Variants in LRP1B observed in about 807,000 individuals in gnomAD.
LRP1B encodes LDL receptor related protein 1B, also known as low-density lipoprotein receptor-related protein 1B.
LRP1B carries 217 observed loss-of-function variants against 556.6 expected under a neutral mutation model. That is an observed-to-expected ratio of 0.39 (90% CI 0.35 to 0.44). The LOEUF is 0.44. Ranked by LOEUF, LRP1B falls within the 20% of genes least tolerant of loss-of-function variation. LRP1B has a pLI of 1.00. For synonymous variants in LRP1B, 2,047 were observed against 1,865.8 expected, an observed-to-expected ratio of 1.10 and a Z score of -2.50; for missense variants, 5,053 against 5,620.8, an observed-to-expected ratio of 0.90 and a Z score of 3.23.
In LRP1B at chr2:140,527,072, A is replaced by G. The variant is rs142066012; in HGVS notation, c.7763-722T>C. Among the ~76,000 whole-genome samples, 1,416 of 152,086 alleles carry G rather than the reference A, an allele frequency of 9.3e-3. 19 individuals carry two copies. The highest frequency in any genetic ancestry group is 0.03 in the African/African-American group (1,264 of 41,526). On this transcript the variant is annotated intron_variant, in intron 47 of 90. Transcript: ENST00000389484. ...GTCATTCCTTATTATTGTTATTATA[A>G]AAGTCATCCAATTCTCTGCTCTACT...
intron 1 of LRP1B, among the ~76,000 whole-genome samples, chr2:142,092,565 T>C (rs1255521964): frequency 4.6e-5 from 7 of 152,006 alleles, no homozygotes; most frequent in African/African-American, 1.4e-4. Context: ...GGGAACAACA[T>C]AGGAGTGGAT....
At chr2:140,583,957 A>G (rs1681882714) in intron 43 of LRP1B, among the ~76,000 whole-genome samples, 1 of 152,180 alleles carries the variant, frequency 6.6e-6, no homozygotes, top group Non-Finnish European at 1.5e-5. Flanking sequence ...GAAAAAGCAC[A>G]TGCTTGAGTT....
chr2:141,035,183 C>T (rs577115073), intron 11 of LRP1B, among the ~76,000 whole-genome samples: 12 of 148,630 alleles, frequency 8.1e-5, no homozygotes, highest in East Asian at 4.1e-4. Context: ...GGAAGGGGAA[C>T]ATCACACTCT....
At chr2:140,477,907 A>G (rs1251428015) in intron 59 of LRP1B, among the ~76,000 whole-genome samples, 2 of 152,050 alleles carry the variant, frequency 1.3e-5, no homozygotes, top group African/African-American at 4.8e-5. Context: ...ATTTAGCTCA[A>G]ATCAGAGTTT....
chr2:141,340,178 T>C (rs1158440185), intron 3 of LRP1B, among the ~76,000 whole-genome samples: 1 of 152,214 alleles, frequency 6.6e-6, no homozygotes, highest in Non-Finnish European at 1.5e-5. Context: ...CCCCTTCAAC[T>C]TTTGAATAGT....
chr2:141,988,422 A>G (rs1447289426), intron 1 of LRP1B, among the ~76,000 whole-genome samples: 1 of 151,998 alleles, frequency 6.6e-6, no homozygotes, highest in Admixed American at 6.6e-5. Flanking sequence ...TACATATTAT[A>G]AAAGTGAGCC....
chr2:141,774,232 G>T (rs960592432), intron 2 of LRP1B, among the ~76,000 whole-genome samples: 1 of 152,112 alleles, frequency 6.6e-6, no homozygotes, highest in African/African-American at 2.4e-5. Flanking sequence ...CCTGAGGCTG[G>T]GTAATTTACA....
intron 86 of LRP1B, among the ~76,000 whole-genome samples, chr2:140,256,449 C>CTTTTTTTTTTTTTTTTTT (rs764826231): frequency 4.0e-5 from 1 of 25,292 alleles, no homozygotes; most frequent in African/African-American, 1.3e-4. Context: ...TTTTTCCTTC[C>CTTTTTTTTTTTTTTTTTT]TTTTTTTTTT....
At chr2:141,021,114 C>T (rs1005942833) in intron 11 of LRP1B, among the ~76,000 whole-genome samples, 33 of 152,062 alleles carry the variant, frequency 2.2e-4, no homozygotes, top group Middle Eastern at 3.4e-3. Flanking sequence ...AGTTACAGAA[C>T]TGGAATTTAC....
intron 7 of LRP1B, among the ~76,000 whole-genome samples, chr2:141,092,317 A>G (rs997827947): frequency 1.1e-4 from 17 of 152,212 alleles, no homozygotes; most frequent in African/African-American, 4.1e-4. Flanking sequence ...GATTTATTGG[A>G]TGTAAGAAAG....
chr2:140,467,719 T>C (rs1687607118), intron 60 of LRP1B, among the ~76,000 whole-genome samples: 1 of 151,932 alleles, frequency 6.6e-6, no homozygotes, highest in Non-Finnish European at 1.5e-5. Flanking sequence ...AGAAATTGAT[T>C]GAATTGTGTT....
At chr2:142,046,921 TACTC>T (rs1392943717) in intron 1 of LRP1B, among the ~76,000 whole-genome samples, 1 of 152,030 alleles carries the variant, frequency 6.6e-6, no homozygotes, top group African/African-American at 2.4e-5. Context: ...ATCTTGTACA[TACTC>T]ACTTTTCTGG....
At chr2:140,564,490 C>T (rs1007785860) in intron 43 of LRP1B, among the ~76,000 whole-genome samples, 4 of 151,964 alleles carry the variant, frequency 2.6e-5, no homozygotes, top group African/African-American at 9.7e-5. Context: ...TTCAATACTG[C>T]TTATGTAACA....
intron 3 of LRP1B, among the ~76,000 whole-genome samples, chr2:141,377,004 G>A (rs1426337725): frequency 1.3e-5 from 2 of 152,090 alleles, no homozygotes; most frequent in African/African-American, 2.4e-5. Flanking sequence ...AGATTATCTT[G>A]TTTTGTCCTG....
chr2:140,301,727 A>G (rs1683831131), intron 83 of LRP1B, among the ~76,000 whole-genome samples: 1 of 151,920 alleles, frequency 6.6e-6, no homozygotes, highest in Non-Finnish European at 1.5e-5. Flanking sequence ...TTTAAGAATA[A>G]TGTGTAGTGT....
intron 43 of LRP1B, among the ~76,000 whole-genome samples, chr2:140,551,939 AC>A (rs1405041961): frequency 6.6e-6 from 1 of 152,082 alleles, no homozygotes; most frequent in African/African-American, 2.4e-5. Context: ...CTACATAATA[AC>A]CCCTGTGATA....
intron 41 of LRP1B, among the ~76,000 whole-genome samples, chr2:140,688,205 C>T (rs967620882): frequency 2.0e-5 from 3 of 151,930 alleles, no homozygotes; most frequent in South Asian, 2.1e-4. Context: ...AATTATGACA[C>T]ACTTGTGAGA....
At chr2:140,340,807 C>G (rs1448820217) in intron 77 of LRP1B, among the ~76,000 whole-genome samples, 1 of 151,582 alleles carries the variant, frequency 6.6e-6, no homozygotes, top group African/African-American at 2.4e-5. Flanking sequence ...GAAGAGCCAA[C>G]TACCTGCTGC....
At chr2:141,850,967 G>T (rs1368201379) in intron 1 of LRP1B, among the ~76,000 whole-genome samples, 1 of 151,660 alleles carries the variant, frequency 6.6e-6, no homozygotes, top group Non-Finnish European at 1.5e-5. Context: ...GGCTCTGTAA[G>T]AAGCTGACAG....
Sources: gnomAD v4.1 joint callset for allele counts (sites outside exome capture counted in the v4.1 genomes callset) on GRCh38, gnomAD v4.1.1 for gene constraint, MANE v1.5 for transcripts, NCBI Gene and HGNC (gene_info 2026-07-23, HGNC 2026-07-21) for gene names.